The following LRRTM4 variants were observed in gnomAD, a reference collection of about 807,000 sequenced individuals.
The protein encoded by LRRTM4 is leucine-rich repeat transmembrane neuronal protein 4.
A neutral mutation model predicts 47.6 loss-of-function variants in LRRTM4; 25 were observed. The observed-to-expected ratio is 0.53, with a 90% CI of 0.38 to 0.73. The LOEUF (loss-of-function observed/expected upper bound fraction) is 0.73, where lower values mean the gene tolerates loss of function less well. Among genes scored for constraint, LRRTM4 ranks in the 30% least tolerant of loss-of-function variants. The pLI is 0.00. For missense variants in LRRTM4, 638 were observed against 713.4 expected, an observed-to-expected ratio of 0.89 and a Z score of 1.20; for synonymous variants, 311 against 269.5, an observed-to-expected ratio of 1.15 and a Z score of -1.51.
At chr2:77,112,359 A>G (rs972440619) in intron 3 of LRRTM4, among the ~76,000 whole-genome samples, 1 of 152,244 alleles carries the variant, frequency 6.6e-6, no homozygotes, top group Non-Finnish European at 1.5e-5. Flanking sequence ...TACTGAGATT[A>G]TAAGTGGAGT....
Position 76,807,425 on chromosome 2 carries a change from C to CACACT in LRRTM4, c.1552-58510_1552-58509insAGTGT, listed in dbSNP as rs368842956. Among the ~76,000 whole-genome samples, 62 of 98,054 alleles carry CACACT rather than the reference C, an allele frequency of 6.3e-4. No homozygotes were observed. In the East Asian group the frequency reaches 0.011, roughly 17 times the overall value. 64.3% of individuals were successfully genotyped at this position (98,054 alleles called of 152,430 possible). ...GTATATACGTATATATATATATATA[C>CACACT]ATATATATATACGTATATACATATA... On this transcript the variant is annotated intron_variant, in intron 3 of 3. Coordinates refer to ENST00000409884, the MANE Select transcript of LRRTM4 (RefSeq NM_001134745.3).
intron 3 of LRRTM4, among the ~76,000 whole-genome samples, chr2:77,271,345 G>A (rs1312847123): frequency 6.6e-6 from 1 of 152,164 alleles, no homozygotes; most frequent in Non-Finnish European, 1.5e-5. Flanking sequence ...GCAGAAGGTG[G>A]AACTAAAGGA....
intron 3 of LRRTM4, among the ~76,000 whole-genome samples, chr2:76,769,525 GAAA>G (rs70939834): frequency 6.8e-6 from 1 of 147,674 alleles, no homozygotes; most frequent in East Asian, 2.0e-4. Context: ...ACTTGCAACT[GAAA>G]AAAAAACAAA....
intron 3 of LRRTM4, among the ~76,000 whole-genome samples, chr2:77,353,470 A>G (rs1671858698): frequency 6.6e-6 from 1 of 152,094 alleles, no homozygotes; most frequent in African/African-American, 2.4e-5. Flanking sequence ...ACAAAAATCT[A>G]TTACCTATTA....
chr2:77,463,081 A>G (rs1307387933), intron 3 of LRRTM4, among the ~76,000 whole-genome samples: 1 of 152,082 alleles, frequency 6.6e-6, no homozygotes, highest in Non-Finnish European at 1.5e-5. Context: ...GATTTTTGTC[A>G]TTGTGTGAAC....
At position 77,218,312 on chromosome 2, in the gene LRRTM4, C is replaced by CA. The variant is rs760460647; in HGVS notation, c.1551+300005dup. 1.3e-3 allele frequency among the ~76,000 whole-genome samples: 194 copies of CA among 151,952 alleles called. 2 individuals are homozygous for CA. The highest frequency in any genetic ancestry group is 5.8e-3 in the Admixed American group (88 of 15,250). ...CCCAGCTGAGGTCTCTTTTTTTCTA[C>CA]AAAAAAACCTAATTGTTCAAAGTTG... is the stretch of plus-strand genomic sequence containing the variant. On this transcript the variant is annotated intron_variant, in intron 3 of 3. Coordinates refer to ENST00000409884, the MANE Select transcript of LRRTM4 (RefSeq NM_001134745.3).
At chr2:76,964,495 T>C (rs937493388) in intron 3 of LRRTM4, among the ~76,000 whole-genome samples, 1 of 150,886 alleles carries the variant, frequency 6.6e-6, no homozygotes, top group African/African-American at 2.4e-5. Flanking sequence ...TTACCAATTG[T>C]TTTTTTCCTG....
chr2:76,805,021 CT>C (rs1296604001), intron 3 of LRRTM4, among the ~76,000 whole-genome samples: 12 of 152,058 alleles, frequency 7.9e-5, no homozygotes, highest in African/African-American at 2.9e-4. Flanking sequence ...TGACTATGAC[CT>C]TTGTTTTATT....
chr2:77,121,238 G>T (rs1013834433), intron 3 of LRRTM4, among the ~76,000 whole-genome samples: 18 of 151,600 alleles, frequency 1.2e-4, no homozygotes, highest in Non-Finnish European at 2.5e-4. Flanking sequence ...GTAAATATCT[G>T]GATTTGAAAG....
chr2:76,949,513 A>G (rs1675432086), intron 3 of LRRTM4, among the ~76,000 whole-genome samples: 1 of 151,900 alleles, frequency 6.6e-6, no homozygotes, highest in African/African-American at 2.4e-5. Flanking sequence ...TAGAAGAGAT[A>G]ACATTTTCAG....
chr2:77,220,470 G>A (rs1056727941), intron 3 of LRRTM4, among the ~76,000 whole-genome samples: 2 of 152,148 alleles, frequency 1.3e-5, no homozygotes, highest in Non-Finnish European at 2.9e-5. Flanking sequence ...AAAATTAGAC[G>A]AATGGATAAC....
intron 3 of LRRTM4, among the ~76,000 whole-genome samples, chr2:76,938,907 A>G (rs1161204243): frequency 2.0e-5 from 3 of 152,056 alleles, no homozygotes; most frequent in Admixed American, 2.0e-4. Flanking sequence ...TATAGTGGTA[A>G]ACTAGTCTTA....
chr2:77,298,954 CTT>C (rs1374404144), intron 3 of LRRTM4, among the ~76,000 whole-genome samples: 1 of 151,998 alleles, frequency 6.6e-6, no homozygotes, highest in Non-Finnish European at 1.5e-5. Context: ...ATGAGAAACA[CTT>C]AAGATAATTT....
At chr2:77,154,527 T>C (rs1269822058) in intron 3 of LRRTM4, among the ~76,000 whole-genome samples, 1 of 152,122 alleles carries the variant, frequency 6.6e-6, no homozygotes, top group African/African-American at 2.4e-5. Flanking sequence ...CTGAAACAAG[T>C]ATACATATTA....
At chr2:77,051,928 T>C (rs1034069068) in intron 3 of LRRTM4, among the ~76,000 whole-genome samples, 2 of 152,152 alleles carry the variant, frequency 1.3e-5, no homozygotes, top group African/African-American at 4.8e-5. Context: ...AGACATGTAA[T>C]TGTTTCTTGG....
intron 3 of LRRTM4, among the ~76,000 whole-genome samples, chr2:76,784,303 T>C (rs1048393968): frequency 1.3e-5 from 2 of 152,008 alleles, no homozygotes; most frequent in South Asian, 2.1e-4. Context: ...CTTTGAAAAA[T>C]ATTATGGAAA....
At chr2:76,796,797 C>CAAAGCTGGATGGA (rs1455073640) in intron 3 of LRRTM4, among the ~76,000 whole-genome samples, 7 of 151,924 alleles carry the variant, frequency 4.6e-5, no homozygotes, top group Admixed American at 3.3e-4. Context: ...ATCAACAGAA[C>CAAAGCTGGATGGA]GAATGACTTT....
chr2:76,943,905 A>G (rs1317507067), intron 3 of LRRTM4, among the ~76,000 whole-genome samples: 1 of 152,114 alleles, frequency 6.6e-6, no homozygotes, highest in African/African-American at 2.4e-5. Flanking sequence ...GTATCTGGCC[A>G]TATCTTTTCA....
chr2:77,439,853 C>T (rs1179404436), intron 3 of LRRTM4, among the ~76,000 whole-genome samples: 2 of 152,094 alleles, frequency 1.3e-5, no homozygotes, highest in Non-Finnish European at 2.9e-5. Flanking sequence ...ATCATACTCT[C>T]ATTTTACAGA....
Sources: gnomAD v4.1 joint callset for allele counts (sites outside exome capture counted in the v4.1 genomes callset) on GRCh38, gnomAD v4.1.1 for gene constraint, MANE v1.5 for transcripts, NCBI Gene and HGNC (gene_info 2026-07-23, HGNC 2026-07-21) for gene names.